DIAPH2: variants seen among roughly 807,000 people sequenced by gnomAD.
The protein encoded by DIAPH2 is diaphanous related formin 2.
A neutral mutation model predicts 92.7 loss-of-function variants in DIAPH2; 35 were observed. That is an observed-to-expected ratio of 0.38 (90% confidence interval 0.29 to 0.50). The LOEUF (loss-of-function observed/expected upper bound fraction) is 0.50, where lower values mean the gene tolerates loss of function less well. DIAPH2 is among the 20% of genes least tolerant of loss of function. The pLI is 0.94. For synonymous variants in DIAPH2, 301 were observed against 280.4 expected (o/e 1.07, Z -0.73); for missense variants, 701 against 819.5 (o/e 0.86, Z 1.77).
chrX:96,927,731 T>C (rs1369214974), intron 9 of DIAPH2, among the ~76,000 whole-genome samples: 3 of 111,391 alleles, frequency 2.7e-5, no homozygotes, highest in Non-Finnish European at 3.8e-5. Context: ...ATATACATGC[T>C]GAGTGTGGAG....
chrX:97,555,380 A>G, intron 26 of DIAPH2: 1 of 674,940 alleles, frequency 1.5e-6, no homozygotes, highest in Non-Finnish European at 1.8e-6. Context: ...CCTTTAAGAA[A>G]TGCAGTCTTC....
In DIAPH2 at chrX:97,381,945, T is replaced by A. The variant is rs887570948; in HGVS notation, c.3010-1964T>A. Among the ~76,000 whole-genome samples the A allele has an allele frequency of 8.1e-5, 9 of 110,476 alleles. No individual in the cohort carries two copies. The Admixed American group carries it at 8.7e-4, about 11-fold the overall frequency. ...CCATCTTAATAAACTATGTGAGGAA[T>A]CCTAATGGGAGCACTCAGCATGTAA... is the stretch of plus-strand genomic sequence containing the variant. On this transcript the variant is annotated intron_variant, in intron 24 of 26. Coordinates refer to ENST00000324765, the MANE Select transcript of DIAPH2 (RefSeq NM_006729.5).
Position 96,763,358 on chromosome X carries a change from CTT to C in DIAPH2, c.447+5108_447+5109del, listed in dbSNP as rs981643161. 5.5e-5 allele frequency among the ~76,000 whole-genome samples: 6 copies of C among 109,444 alleles called. No homozygotes were observed. The South Asian group carries it at 2.3e-3, about 42-fold the overall frequency. ...TATATTTTATCTTAGAAGTTTTCAC[CTT>C]TTTTTTTGTTTTTGGAATTATGCCT... On this transcript the variant is annotated intron_variant, in intron 4 of 26. Transcript: ENST00000324765.
At chrX:97,594,164 C>T (rs899478465) in intron 26 of DIAPH2, among the ~76,000 whole-genome samples, 13 of 92,015 alleles carry the variant, frequency 1.4e-4, no homozygotes, top group African/African-American at 4.9e-4. Flanking sequence ...CACCAAACTG[C>T]ATATGTAGTT....
chrX:96,715,532 C>A (rs972667996), intron 1 of DIAPH2, among the ~76,000 whole-genome samples: 1 of 111,849 alleles, frequency 8.9e-6, no homozygotes, highest in Non-Finnish European at 1.9e-5. Flanking sequence ...ATTATATATG[C>A]TTTCCCGTGG....
intron 1 of DIAPH2, among the ~76,000 whole-genome samples, chrX:96,726,228 C>T (rs1933011771): frequency 9.8e-6 from 1 of 101,999 alleles, no homozygotes; most frequent in South Asian, 4.5e-4. Context: ...CTCTCTGTCG[C>T]TCTCTTCCTC....
intron 21 of DIAPH2, among the ~76,000 whole-genome samples, chrX:97,133,008 A>G (rs1323300298): frequency 8.9e-6 from 1 of 111,743 alleles, no homozygotes; most frequent in African/African-American, 3.3e-5. Flanking sequence ...GGGAGATCCA[A>G]AAGGGCTTCC....
intron 19 of DIAPH2, among the ~76,000 whole-genome samples, chrX:97,092,661 T>C (rs992692421): frequency 8.9e-6 from 1 of 112,045 alleles, no homozygotes; most frequent in African/African-American, 3.2e-5. Context: ...GTTTCTATTA[T>C]AAATATTTTG....
intron 17 of DIAPH2, among the ~76,000 whole-genome samples, chrX:97,021,129 T>G (rs960040166): frequency 2.7e-5 from 3 of 112,367 alleles, no homozygotes; most frequent in African/African-American, 9.7e-5. Flanking sequence ...CTCCAGAAGG[T>G]AAGATCTTGC....
At chrX:97,182,291 T>C (rs1023350522) in intron 22 of DIAPH2, among the ~76,000 whole-genome samples, 2 of 111,962 alleles carry the variant, frequency 1.8e-5, no homozygotes, top group African/African-American at 6.5e-5. Flanking sequence ...AAGTAGTCCA[T>C]CTTGGCTGAA....
At chrX:97,574,948 A>G (rs1168759082) in intron 26 of DIAPH2, among the ~76,000 whole-genome samples, 1 of 112,367 alleles carries the variant, frequency 8.9e-6, no homozygotes, top group African/African-American at 3.2e-5. Flanking sequence ...TAAGGCCTGC[A>G]CTAGAGCAGT....
At chrX:96,797,182 T>C (rs1222979609) in intron 4 of DIAPH2, among the ~76,000 whole-genome samples, 4 of 111,165 alleles carry the variant, frequency 3.6e-5, no homozygotes, top group Non-Finnish European at 7.5e-5. Context: ...TTTTTTTTCA[T>C]TTAGAAAAGA....
chrX:97,577,510 C>A (rs761699647), intron 26 of DIAPH2, among the ~76,000 whole-genome samples: 1 of 111,572 alleles, frequency 9.0e-6, no homozygotes, highest in Non-Finnish European at 1.9e-5. Flanking sequence ...CTATTGGAGT[C>A]GAGAGGAGAG....
At chrX:97,132,107 G>A (rs1212773722) in intron 21 of DIAPH2, among the ~76,000 whole-genome samples, 3 of 111,863 alleles carry the variant, frequency 2.7e-5, no homozygotes, top group Admixed American at 9.5e-5. Flanking sequence ...ATGTTGTTAC[G>A]GTTTCAAGTT....
At position 97,255,411 on chromosome X, in the gene DIAPH2, G is replaced by A. The variant is rs183756657; in HGVS notation, c.2844+7572G>A. Among the ~76,000 whole-genome samples the A allele has an allele frequency of 1.6e-4, 18 of 110,937 alleles. No individual in the cohort carries two copies. In the East Asian group the frequency reaches 5.1e-3, roughly 32 times the overall value. Reference sequence around the variant, plus strand: ...ATAACATTTTAATACTTTGATTATTGTACTTGCTGGTTTGCCTGTACTCTG... The same window carrying A: ...ATAACATTTTAATACTTTGATTATTATACTTGCTGGTTTGCCTGTACTCTG... On this transcript the variant is annotated intron_variant, in intron 23 of 26. Coordinates refer to ENST00000324765, the MANE Select transcript of DIAPH2 (RefSeq NM_006729.5).
intron 17 of DIAPH2, among the ~76,000 whole-genome samples, chrX:97,014,007 A>G (rs1372836922): frequency 8.9e-6 from 1 of 112,229 alleles, no homozygotes; most frequent in African/African-American, 3.2e-5. Context: ...AAAATAGGAA[A>G]GAGCCTCTTT....
At chrX:97,170,810 C>A (rs764665763) in intron 22 of DIAPH2, among the ~76,000 whole-genome samples, 2 of 110,420 alleles carry the variant, frequency 1.8e-5, no homozygotes, top group Non-Finnish European at 3.8e-5. Context: ...TTTATAAATT[C>A]ATTTTCTAAA....
At chrX:96,876,410 G>A (rs2065179120) in intron 4 of DIAPH2, among the ~76,000 whole-genome samples, 2 of 111,643 alleles carry the variant, frequency 1.8e-5, no homozygotes, top group Non-Finnish European at 3.8e-5. Context: ...CCATTACTGG[G>A]TATATACCCA....
chrX:97,601,645 A>G lies in DIAPH2; in HGVS notation c.*2328A>G, dbSNP rs2071596929. ...ATTACACTAAGGTCTTTTGTTGGCC[A>G]TATTACTGCCACACATGAGAAGCAC... On this transcript the variant is annotated 3_prime_UTR_variant, in exon 27 of 27. Transcript: ENST00000324765. 8.9e-6 allele frequency: 1 copy of G among 112,039 alleles called. No individual in the cohort carries two copies. Among genetic ancestry groups the G allele is most frequent in the Non-Finnish European group, 1.9e-5 (1 of 53,235 alleles). 9.2% of individuals were successfully genotyped at this position (112,039 alleles called of 1,213,427 possible). A position where few individuals can be genotyped will look rare whatever the true frequency, so the allele number is the denominator to read the frequency against.
Sources: gnomAD v4.1 joint callset for allele counts (sites outside exome capture counted in the v4.1 genomes callset) on GRCh38, gnomAD v4.1.1 for gene constraint, MANE v1.5 for transcripts, NCBI Gene and HGNC (gene_info 2026-07-23, HGNC 2026-07-21) for gene names.